Variants in SMOC1 observed in about 807,000 individuals in gnomAD.
SMOC1 encodes the protein SPARC related modular calcium binding 1.
In SMOC1, 22 loss-of-function variants were observed where a neutral mutation model predicts 56.3. That is an observed-to-expected ratio of 0.39 (90% CI 0.28 to 0.56). The LOEUF is 0.56. SMOC1 is among the 20% of genes least tolerant of loss of function. The pLI, the probability that SMOC1 is intolerant of heterozygous loss-of-function variation, is 0.61. For synonymous variants in SMOC1, 193 were observed against 215.0 expected, an observed-to-expected ratio of 0.90 and a Z score of 0.89; for missense variants, 509 against 565.4, an observed-to-expected ratio of 0.90 and a Z score of 1.01.
chr14:69,944,119 C>G (rs555475316), intron 1 of SMOC1, among the ~76,000 whole-genome samples: 1 of 152,310 alleles, frequency 6.6e-6, no homozygotes, highest in African/African-American at 2.4e-5. Context: ...AGTGTCACAC[C>G]CAGATCTTGG....
intron 1 of SMOC1, among the ~76,000 whole-genome samples, chr14:69,941,256 G>A (rs1882550384): frequency 6.6e-6 from 1 of 152,196 alleles, no homozygotes; most frequent in Non-Finnish European, 1.5e-5. Context: ...GGTTCTTGGT[G>A]CTTTTATTTC....
chr14:69,947,086 G>T (rs977072989), intron 1 of SMOC1, among the ~76,000 whole-genome samples: 4 of 111,828 alleles, frequency 3.6e-5, no homozygotes, highest in Non-Finnish European at 7.6e-5. Context: ...GTCTCAGGCC[G>T]GCCTTCCTTC....
intron 1 of SMOC1, among the ~76,000 whole-genome samples, chr14:69,887,759 A>C (rs1392025210): frequency 6.6e-6 from 1 of 152,194 alleles, no homozygotes. Context: ...CTAAGCTGGC[A>C]GTGGGCAGTC....
intron 1 of SMOC1, among the ~76,000 whole-genome samples, chr14:69,922,219 G>T (rs976528963): frequency 6.6e-6 from 1 of 152,236 alleles, no homozygotes; most frequent in Non-Finnish European, 1.5e-5. Flanking sequence ...AATACTGCAG[G>T]CTGGGAGGAT....
chr14:70,027,961 A>G (rs964443073), intron 11 of SMOC1, among the ~76,000 whole-genome samples: 1 of 152,174 alleles, frequency 6.6e-6, no homozygotes, highest in Admixed American at 6.5e-5. Flanking sequence ...AGCAGAGCCT[A>G]TGCGTCGGTC....
chr14:69,889,686 C>G (rs1883909731), intron 1 of SMOC1, among the ~76,000 whole-genome samples: 1 of 152,208 alleles, frequency 6.6e-6, no homozygotes, highest in Admixed American at 6.5e-5. Context: ...ACACAAATTT[C>G]TACAGATCAG....
rs1223464372 is a variant in SMOC1 at position 69,942,713 on chromosome 14, A to AT, written c.100-9418dup. Among the ~76,000 whole-genome samples the AT allele has an allele frequency of 2.0e-5, 3 of 151,880 alleles. No individual in the cohort carries two copies. The South Asian group carries it at 6.2e-4, about 31-fold the overall frequency. On this transcript the variant is annotated intron_variant, in intron 1 of 11. Transcript: ENST00000361956. Reference sequence around the variant, plus strand: ...TCATTTGGAATAATGCTTTATTTTTATTTTTTTGGAAATTTGATGACTTGG... The same window carrying AT: ...TCATTTGGAATAATGCTTTATTTTTATTTTTTTTGGAAATTTGATGACTTGG...
At chr14:69,967,994 AC>A (rs1219975080) in intron 3 of SMOC1, among the ~76,000 whole-genome samples, 1 of 152,160 alleles carries the variant, frequency 6.6e-6, no homozygotes, top group African/African-American at 2.4e-5. Flanking sequence ...CTGCAGTCAA[AC>A]TCTTGTCCAT....
rs1490915297 is a variant in SMOC1, at chr14:70,009,201, G to A, written c.665-1553G>A. On this transcript the variant is annotated intron_variant, in intron 7 of 11. Coordinates refer to ENST00000361956, the MANE Select transcript of SMOC1 (RefSeq NM_001034852.3). ...TTTTAATAGTGAATATGCTATATGT[G>A]CCTGCCTCCTGGCCCTCAGATATTT... Among the ~76,000 whole-genome samples, 4 of 152,056 alleles carry A rather than the reference G, an allele frequency of 2.6e-5. No homozygotes were observed. In the East Asian group the frequency reaches 7.7e-4, roughly 29 times the overall value.
At chr14:69,939,133 G>A (rs1882455185) in intron 1 of SMOC1, among the ~76,000 whole-genome samples, 1 of 152,202 alleles carries the variant, frequency 6.6e-6, no homozygotes, top group Non-Finnish European at 1.5e-5. Flanking sequence ...GTTACTGAGT[G>A]TATTAGTCTG....
chr14:70,001,771 T>C (rs1264535458), intron 7 of SMOC1, among the ~76,000 whole-genome samples: 1 of 152,248 alleles, frequency 6.6e-6, no homozygotes, highest in African/African-American at 2.4e-5. Context: ...GCATTTAATC[T>C]TCACAATGAC....
chr14:69,945,737 TA>T (rs1389012804), intron 1 of SMOC1, among the ~76,000 whole-genome samples: 1 of 152,208 alleles, frequency 6.6e-6, no homozygotes, highest in Non-Finnish European at 1.5e-5. Context: ...AAGAAAAACC[TA>T]AAATTAATTT....
chr14:69,906,145 C>T (rs918415236), intron 1 of SMOC1, among the ~76,000 whole-genome samples: 2 of 152,178 alleles, frequency 1.3e-5, no homozygotes, highest in Non-Finnish European at 2.9e-5. Flanking sequence ...ACCCCACATG[C>T]CCTTCTTACC....
At chr14:69,902,556 T>C (rs1594793424) in intron 1 of SMOC1, among the ~76,000 whole-genome samples, 1 of 152,274 alleles carries the variant, frequency 6.6e-6, no homozygotes, top group South Asian at 2.1e-4. Context: ...CTTCACCCTG[T>C]GGGACCTCTG....
chr14:70,019,278 A>G lies in SMOC1; in HGVS notation c.1047-3925A>G, dbSNP rs72727997. ...CAGCCCAGAGGTAGGGCAGACACCA[A>G]CGTTATTTGGCTTATGTTGTCTGAA... On this transcript the variant is annotated intron_variant, in intron 10 of 11. Coordinates refer to ENST00000361956, the MANE Select transcript of SMOC1 (RefSeq NM_001034852.3). Among the ~76,000 whole-genome samples the G allele has an allele frequency of 6.0e-3, 921 of 152,288 alleles. 5 individuals carry two copies. The highest frequency in any genetic ancestry group is 9.8e-3 in the Non-Finnish European group (665 of 68,016).
chr14:70,011,453 TC>T, intron 8 of SMOC1, 31 bp from the exon 9 acceptor site: 6 of 873,948 alleles, frequency 6.9e-6, no homozygotes, highest in Non-Finnish European at 1.1e-5. Flanking sequence ...TGCCAGCCCC[TC>T]CCAACCCCCC....
Position 69,879,536 on chromosome 14 carries a change from C to A in SMOC1, c.-143C>A, listed in dbSNP as rs1883570478. The stretch of plus-strand genomic sequence containing the variant: ...CATGACTGTGTCCCCTGACCGCAGC[C>A]TCTGCGAGCCCCCGCCGCAGGACCA... On this transcript the variant is annotated 5_prime_UTR_variant, in exon 1 of 12. Transcript: ENST00000361956. The A allele has an allele frequency of 1.8e-6, 1 of 555,002 alleles. No individual in the cohort carries two copies. The highest frequency in any genetic ancestry group is 2.8e-6 in the Non-Finnish European group (1 of 353,002). 34.4% of individuals were successfully genotyped at this position (555,002 alleles called of 1,614,324 possible).
intron 1 of SMOC1, among the ~76,000 whole-genome samples, chr14:69,880,457 G>C (rs903230809): frequency 3.9e-5 from 6 of 152,102 alleles, no homozygotes; most frequent in African/African-American, 1.4e-4. Flanking sequence ...TCTGATTGGA[G>C]TTTCTGAACG....
Position 70,011,466 on chromosome 14 carries a change from C to CCAAAAA in SMOC1, c.858-19_858-18insCAAAAA. ...GTTGCCAGCCCCTCCCAACCCCCCCCATATCTCTCTTTTCCCAGCTACGTG... is the reference window on the plus strand; with the variant it reads ...GTTGCCAGCCCCTCCCAACCCCCCCCCAAAAAATATCTCTCTTTTCCCAGCTACGTG... On this transcript the variant is annotated intron_variant, in intron 8 of 11. Coordinates refer to ENST00000361956, the MANE Select transcript of SMOC1 (RefSeq NM_001034852.3). 1 of 1,561,708 alleles carries CCAAAAA rather than the reference C, an allele frequency of 6.4e-7. No homozygotes were observed. The highest frequency in any genetic ancestry group is 8.8e-7 in the Non-Finnish European group (1 of 1,133,440).
Sources: allele counts gnomAD v4.1 joint callset (sites outside exome capture counted in the v4.1 genomes callset), GRCh38; gene constraint gnomAD v4.1.1; transcripts MANE v1.5; gene names NCBI Gene and HGNC (gene_info 2026-07-23, HGNC 2026-07-21).